The following SGCD variants were observed in gnomAD, a reference collection of about 807,000 sequenced individuals.
SGCD encodes the protein sarcoglycan delta.
Under a neutral mutation model 36.6 loss-of-function variants are expected in SGCD, and 18 were observed. That is an observed-to-expected ratio of 0.49 (90% CI 0.34 to 0.73). SGCD has a LOEUF of 0.73. SGCD is among the 30% of genes least tolerant of loss of function. The pLI, the probability that SGCD is intolerant of heterozygous loss-of-function variation, is 0.01. For synonymous variants in SGCD, 133 were observed against 130.6 expected (o/e 1.02, Z -0.12); for missense variants, 387 against 346.7 (o/e 1.12, Z -0.92).
intron 2 of SGCD, among the ~76,000 whole-genome samples, chr5:156,337,266 A>G (rs1265079005): frequency 6.6e-6 from 1 of 152,226 alleles, no homozygotes; most frequent in African/African-American, 2.4e-5. Flanking sequence ...AACTGGTTAC[A>G]ATCTCATAGT....
the SGCD span, among the ~76,000 whole-genome samples, chr5:155,819,120 A>T: frequency 6.6e-6 from 1 of 152,206 alleles, no homozygotes; most frequent in African/African-American, 2.4e-5. Context: ...CAGCTTCCCC[A>T]TGTGTCAAAT....
chr5:156,653,062 T>C (rs1056396002), intron 7 of SGCD, among the ~76,000 whole-genome samples: 6 of 152,108 alleles, frequency 3.9e-5, no homozygotes, highest in Non-Finnish European at 8.8e-5. Context: ...ATTTCTTTTT[T>C]GTTTTGTCTT....
intron 2 of SGCD, among the ~76,000 whole-genome samples, chr5:156,335,743 G>A (rs1208981799): frequency 1.3e-5 from 2 of 151,956 alleles, no homozygotes; most frequent in African/African-American, 4.8e-5. Flanking sequence ...GAAACCTTGG[G>A]GTTCTCCTTG....
chr5:156,267,815 T>C (rs1222837117), intron 3 of SGCD, among the ~76,000 whole-genome samples: 1 of 152,222 alleles, frequency 6.6e-6, no homozygotes, highest in Admixed American at 6.5e-5. Context: ...AAGTTCACAT[T>C]ATAATTCAAT....
intron 3 of SGCD, among the ~76,000 whole-genome samples, chr5:156,177,744 A>G (rs766751396): frequency 6.6e-6 from 1 of 152,200 alleles, no homozygotes; most frequent in Non-Finnish European, 1.5e-5. Context: ...CTTTCTAAAC[A>G]GTCTCCCAGT....
At chr5:156,541,003 G>A (rs141525821) in intron 4 of SGCD, among the ~76,000 whole-genome samples, 183 of 152,280 alleles carry the variant, frequency 1.2e-3, no homozygotes, top group African/African-American at 4.0e-3. Context: ...AAAGTGTGAC[G>A]TAAGGAGAAA....
intron 1 of SGCD, among the ~76,000 whole-genome samples, chr5:156,103,906 C>T (rs541190306): frequency 2.6e-5 from 4 of 152,066 alleles, no homozygotes; most frequent in South Asian, 4.2e-4. Context: ...TTAATATGGC[C>T]CTAATTGCTC....
At chr5:156,004,750 T>G (rs2127568951) in intron 1 of SGCD, among the ~76,000 whole-genome samples, 2 of 152,356 alleles carry the variant, frequency 1.3e-5, no homozygotes, top group East Asian at 3.9e-4. Context: ...GTAGTACAAG[T>G]GCTCTATAAA....
At chr5:156,289,641 T>A (rs1766706252) in intron 3 of SGCD, among the ~76,000 whole-genome samples, 1 of 152,030 alleles carries the variant, frequency 6.6e-6, no homozygotes, top group African/African-American at 2.4e-5. Context: ...CTTTGAGAAA[T>A]CCTGCTGTAC....
intron 7 of SGCD, among the ~76,000 whole-genome samples, chr5:156,741,804 C>T (rs1041516669): frequency 6.6e-6 from 1 of 152,060 alleles, no homozygotes; most frequent in African/African-American, 2.4e-5. Context: ...TTGCACCTTC[C>T]TAGTCTTACC....
At chr5:156,498,207 A>C (rs1395782971) in intron 3 of SGCD, among the ~76,000 whole-genome samples, 1 of 149,228 alleles carries the variant, frequency 6.7e-6, no homozygotes, top group African/African-American at 2.5e-5. Context: ...AGCACGTCAT[A>C]GCATGTCTCT....
intron 7 of SGCD, among the ~76,000 whole-genome samples, chr5:156,675,526 C>T (rs2113669110): frequency 6.6e-6 from 1 of 152,272 alleles, no homozygotes; most frequent in East Asian, 1.9e-4. Context: ...TAAAACTGAA[C>T]TTTAACCCTG....
intron 3 of SGCD, among the ~76,000 whole-genome samples, chr5:156,145,650 G>A (rs1762692657): frequency 6.6e-6 from 1 of 152,108 alleles, no homozygotes; most frequent in South Asian, 2.1e-4. Context: ...AGCAGTTCTA[G>A]TAAGTATTTG....
intron 6 of SGCD, among the ~76,000 whole-genome samples, chr5:156,610,583 AT>A (rs1761746348): frequency 6.6e-6 from 1 of 152,242 alleles, no homozygotes; most frequent in Non-Finnish European, 1.5e-5. Context: ...TGACAGGGAC[AT>A]TTAAGTTTGC....
chr5:156,481,585 T>C (rs1289388491), intron 3 of SGCD, among the ~76,000 whole-genome samples: 2 of 152,162 alleles, frequency 1.3e-5, no homozygotes, highest in Non-Finnish European at 2.9e-5. Flanking sequence ...ATTATATGTC[T>C]CTTGATCTAC....
At chr5:156,406,242 A>T (rs985468047) in intron 3 of SGCD, among the ~76,000 whole-genome samples, 5 of 152,078 alleles carry the variant, frequency 3.3e-5, no homozygotes, top group African/African-American at 1.2e-4. Flanking sequence ...TTGAAGCATC[A>T]TGTTGTAATT....
chr5:156,015,456 A>G (rs1758950156), intron 1 of SGCD, among the ~76,000 whole-genome samples: 1 of 151,948 alleles, frequency 6.6e-6, no homozygotes, highest in Non-Finnish European at 1.5e-5. Context: ...ATATATGTAT[A>G]TATTTATACT....
the SGCD span, among the ~76,000 whole-genome samples, chr5:155,783,566 C>T: frequency 6.6e-6 from 1 of 151,722 alleles, no homozygotes; most frequent in Admixed American, 6.6e-5. Context: ...ACTCTGAAAG[C>T]ATAGTCACTG....
the SGCD span, among the ~76,000 whole-genome samples, chr5:155,814,338 C>A: frequency 2.6e-4 from 39 of 152,336 alleles, no homozygotes; most frequent in Non-Finnish European, 5.0e-4. Context: ...TAAACTGTCA[C>A]TTCTCTGAGG....
Sources: allele counts gnomAD v4.1 joint callset (sites outside exome capture counted in the v4.1 genomes callset), GRCh38; gene constraint gnomAD v4.1.1; transcripts MANE v1.5; gene names NCBI Gene and HGNC (gene_info 2026-07-23, HGNC 2026-07-21).